The following CSPP1 variants were observed in gnomAD, a reference collection of about 807,000 sequenced individuals.
CSPP1 encodes centrosome and spindle pole-associated protein 1.
A neutral mutation model predicts 164.4 loss-of-function variants in CSPP1; 126 were observed. The observed-to-expected ratio is 0.77, with a 90% CI of 0.66 to 0.89. The LOEUF is 0.89. CSPP1 is among the 40% of genes least tolerant of loss of function. The probability of loss-of-function intolerance (pLI) is 0.00; values close to 1 mark genes in which losing one functional copy is unlikely to be tolerated. For missense variants in CSPP1, 1,395 were observed against 1,449.8 expected (o/e 0.96, Z 0.61); for synonymous variants, 472 against 476.7 (o/e 0.99, Z 0.13).
At chr8:67,112,153 C>A in intron 10 of CSPP1, 88 bp downstream of exon 10, 1 of 740,726 alleles carries the variant, frequency 1.4e-6, no homozygotes, top group Non-Finnish European at 2.2e-6. Context: ...GGTTGTCGTT[C>A]TAATATGATG....
At chr8:67,148,871 G>C (rs1384237119) in intron 17 of CSPP1, among the ~76,000 whole-genome samples, 3 of 152,164 alleles carry the variant, frequency 2.0e-5, no homozygotes, top group East Asian at 3.8e-4. Flanking sequence ...GATTTTTGCT[G>C]TGTGTATTAG....
intron 3 of CSPP1, among the ~76,000 whole-genome samples, chr8:67,078,417 CT>C (rs968078592): frequency 2.5e-4 from 38 of 152,184 alleles, no homozygotes; most frequent in African/African-American, 8.7e-4. Context: ...TCTTGGCTCA[CT>C]GCAACCTCCA....
intron 26 of CSPP1, among the ~76,000 whole-genome samples, chr8:67,176,550 G>C (rs1466936318): frequency 6.6e-6 from 1 of 152,180 alleles, no homozygotes; most frequent in African/African-American, 2.4e-5. Flanking sequence ...CATCTGGAGA[G>C]AGGAGAGAAG....
At chr8:67,148,242 C>A (rs1177896518) in intron 17 of CSPP1, among the ~76,000 whole-genome samples, 2 of 152,108 alleles carry the variant, frequency 1.3e-5, no homozygotes, top group Non-Finnish European at 2.9e-5. Context: ...AATCCCACTT[C>A]TGTAACAACC....
chr8:67,153,951 C>A, intron 18 of CSPP1, 73 bp from the exon 19 acceptor site: 5 of 631,168 alleles, frequency 7.9e-6, no homozygotes, highest in Non-Finnish European at 8.5e-6. Context: ...TATTAGCAAA[C>A]TGTTCATTCT....
Position 67,109,934 on chromosome 8 carries a change from T to G in CSPP1, c.1094-2038T>G, listed in dbSNP as rs1816480669. Among the ~76,000 whole-genome samples, 5 of 152,240 alleles carry G rather than the reference T, an allele frequency of 3.3e-5. No homozygotes were observed. In the South Asian group the frequency reaches 1.0e-3, roughly 32 times the overall value. The stretch of plus-strand genomic sequence containing the variant: ...AGTAAAGCTGTCTGTGCTACTCCCG[T>G]TATCTTATACAGCTGTGGGTACGTC... On this transcript the variant is annotated intron_variant, in intron 9 of 30. Coordinates refer to ENST00000678616, the MANE Select transcript of CSPP1 (RefSeq NM_001382391.1).
intron 3 of CSPP1, chr8:67,083,548 A>AAAAAAAAAAAAAATAT (rs1332248754): frequency 2.8e-4 from 26 of 91,482 alleles, no homozygotes; most frequent in African/African-American, 4.9e-4. Context: ...AAAAAAAAAA[A>AAAAAAAAAAAAAATAT]ATATATATAT....
At chr8:67,158,875 A>G in intron 20 of CSPP1, 116 bp from the exon 21 acceptor site, 1 of 980,522 alleles carries the variant, frequency 1.0e-6, no homozygotes, top group African/African-American at 1.6e-5. Context: ...GTTAAAGAAC[A>G]CCATATCATG....
chr8:67,192,357 G>A (rs926528243), intron 29 of CSPP1, among the ~76,000 whole-genome samples: 1 of 152,174 alleles, frequency 6.6e-6, no homozygotes, highest in Non-Finnish European at 1.5e-5. Flanking sequence ...TTACAGGCAT[G>A]AGCCACCGCG....
intron 10 of CSPP1, 35 bp downstream of exon 10, chr8:67,112,100 G>T: frequency 6.9e-7 from 1 of 1,439,168 alleles, no homozygotes; most frequent in South Asian, 1.2e-5. Context: ...GAGATATTTT[G>T]AGTTTAAAGT....
Position 67,195,371 on chromosome 8 carries a change from G to GCCT in CSPP1, c.3470-7_3470-5dup, listed in dbSNP as rs772491058. 3 of 1,605,932 alleles carry GCCT rather than the reference G, an allele frequency of 1.9e-6. No homozygotes were observed. The South Asian group carries it at 3.3e-5, about 18-fold the overall frequency. On this transcript the variant is annotated splice_polypyrimidine_tract_variant and intron_variant, in intron 30 of 30. Coordinates refer to ENST00000678616, the MANE Select transcript of CSPP1 (RefSeq NM_001382391.1). ...GTGTTACCTGAGCCACGTGTCCCTT[G>GCCT]CCTCCTGTAGATGATGAGAGTTCAC...
Position 67,161,862 on chromosome 8 carries a change from A to C in CSPP1, c.2590A>C (p.Ser864Arg), listed in dbSNP as rs201259375. The part of the protein sequence containing the change: ...IVPALQNKIA[S>R]KLQRPPSVDS... The stretch of plus-strand genomic sequence containing the variant: ...TCCTGCTCTTCAGAACAAAATTGCA[A>C]GCAAACTCCAAAGACCTCCTTCAGT... The change falls in exon 22 of 31, where the codon AGC becomes CGC. Residue 864 changes from serine (S) to arginine (R), a missense_variant. Ser to Arg is a moderately radical substitution (Grantham distance 110, BLOSUM62 -1). Coordinates refer to ENST00000678616, the MANE Select transcript of CSPP1 (RefSeq NM_001382391.1). 590 of 1,613,862 alleles carry C rather than the reference A, an allele frequency of 3.7e-4. 7 individuals are homozygous for C. In the African/African-American group the frequency reaches 7.2e-3, roughly 20 times the overall value.
chr8:67,122,574 T>A (rs1819183363), intron 15 of CSPP1, among the ~76,000 whole-genome samples: 1 of 152,240 alleles, frequency 6.6e-6, no homozygotes, highest in Non-Finnish European at 1.5e-5. Flanking sequence ...CTAATATAAT[T>A]ACATTGCAGT....
chr8:67,159,226 GA>G lies in CSPP1; in HGVS notation c.2538+90del, dbSNP rs1461626808. On this transcript the variant is annotated intron_variant, in intron 21 of 30. Transcript: ENST00000678616. The stretch of plus-strand genomic sequence containing the variant: ...TACAGTTGTTAGAAAAGGGGAGAAA[GA>G]GGAGGAGGTGCTTTTGTTCCTGTTC... The G allele has an allele frequency of 6.4e-6, 8 of 1,254,868 alleles. No homozygotes were observed. In the African/African-American group the frequency reaches 9.0e-5, roughly 14 times the overall value. The allele number at this position is 1,254,868 out of a possible 1,614,324, so 77.7% of individuals were successfully genotyped here.
At chr8:67,143,448 C>T (rs1465278987) in intron 17 of CSPP1, among the ~76,000 whole-genome samples, 2 of 151,808 alleles carry the variant, frequency 1.3e-5, no homozygotes, top group Non-Finnish European at 2.9e-5. Flanking sequence ...ATTACTATTA[C>T]TATTACTTTG....
In CSPP1 at chr8:67,180,340, G is replaced by A. The variant is rs1482815512; in HGVS notation, c.3220+414G>A. On this transcript the variant is annotated intron_variant, in intron 28 of 30. Coordinates refer to ENST00000678616, the MANE Select transcript of CSPP1 (RefSeq NM_001382391.1). ...TGAGCAAAAAAGACAATCCCAATAA[G>A]TTACATACTACTGTATGATTCAATT... 2.6e-5 allele frequency among the ~76,000 whole-genome samples: 4 copies of A among 152,138 alleles called. No homozygotes were observed. The East Asian group carries it at 7.7e-4, about 29-fold the overall frequency.
intron 15 of CSPP1, among the ~76,000 whole-genome samples, chr8:67,130,162 C>T (rs1220622857): frequency 6.6e-6 from 1 of 152,152 alleles, no homozygotes; most frequent in Admixed American, 6.6e-5. Flanking sequence ...TTGGTATAGG[C>T]AGAGAGTCCT....
rs1339885698 is a variant in CSPP1 at position 67,158,460 on chromosome 8, A to G, written c.2255A>G (p.Lys752Arg). 2 of 1,599,942 alleles carry G rather than the reference A, an allele frequency of 1.3e-6. No homozygotes were observed. The highest frequency in any genetic ancestry group is 1.1e-5 in the South Asian group (1 of 87,498). The change falls in exon 20 of 31, where the codon AAA (lysine) becomes AGA (arginine). Residue 752 changes from lysine to arginine, a missense_variant. By Grantham distance (26) the Lys-to-Arg change is conservative. Coordinates refer to ENST00000678616, the MANE Select transcript of CSPP1 (RefSeq NM_001382391.1). ...NFLRFQIEEKKQREEAERERL... is the reference protein window; with the variant it reads ...NFLRFQIEEKRQREEAERERL... The stretch of plus-strand genomic sequence containing the variant: ...TTAATTCTTTAGATTGAGGAAAAGA[A>G]ACAAAGAGAGGAAGCAGAGCGAGAG...
intron 25 of CSPP1, chr8:67,174,377 T>A (rs1009785369): frequency 1.3e-5 from 2 of 152,238 alleles, no homozygotes; most frequent in Non-Finnish European, 2.9e-5. Flanking sequence ...CATTTCTTTA[T>A]ATTCCAGCAG....
Sources: gnomAD v4.1 joint callset for allele counts (sites outside exome capture counted in the v4.1 genomes callset) on GRCh38, gnomAD v4.1.1 for gene constraint, MANE v1.5 for transcripts, NCBI Gene and HGNC (gene_info 2026-07-23, HGNC 2026-07-21) for gene names.